The following ECM2 variants were observed in gnomAD, a reference collection of about 807,000 sequenced individuals.
ECM2 encodes the protein extracellular matrix protein 2, female organ and adipocyte specific.
A neutral mutation model predicts 67.5 loss-of-function variants in ECM2; 57 were observed. The ratio of observed to expected loss-of-function variants is 0.84; its 90% confidence interval spans 0.68 to 1.05. The LOEUF (loss-of-function observed/expected upper bound fraction) is 1.05, where lower values mean the gene tolerates loss of function less well. ECM2 is among the 50% of genes least tolerant of loss of function. The pLI, the probability that ECM2 is intolerant of heterozygous loss-of-function variation, is 0.00. For synonymous variants in ECM2, 258 were observed against 294.5 expected (o/e 0.88, Z 1.27); for missense variants, 741 against 822.8 (o/e 0.90, Z 1.22).
Position 92,517,772 on chromosome 9 carries a change from A to G in ECM2, c.396T>C (p.Leu132=). 6.2e-7 allele frequency: 1 copy of G among 1,614,232 alleles called. No individual in the cohort carries two copies. Among genetic ancestry groups the G allele is most frequent in the Non-Finnish European group, 8.5e-7 (1 of 1,180,048 alleles). ...TTCLCSDGRV[L]CDETMCHPQR... The stretch of plus-strand genomic sequence containing the variant: ...GGGGATGGCACATGGTTTCATCACA[A>G]AGAACTCTTCCATCTGAGCAGAGGC... Residue 132 remains leucine, a synonymous_variant, in exon 3 of 10, where the codon CTT becomes CTC. Transcript: ENST00000344604.
chr9:92,525,248 T>G (rs1848319001), intron 1 of ECM2, among the ~76,000 whole-genome samples: 1 of 151,746 alleles, frequency 6.6e-6, no homozygotes, highest in South Asian at 2.1e-4. Flanking sequence ...AGCCCAGAAG[T>G]TCAAGGTTGC....
chr9:92,504,449 C>T lies in ECM2; in HGVS notation c.1464+1084G>A, dbSNP rs528953289. On this transcript the variant is annotated intron_variant, in intron 7 of 9. Coordinates refer to ENST00000344604, the MANE Select transcript of ECM2 (RefSeq NM_001393.4). ...GGATGATCATGTGGTCTAGGAGAAA[C>T]GGAGCTTAGTAAGGAAACCTGGGTT... Among the ~76,000 whole-genome samples the T allele has an allele frequency of 3.9e-5, 6 of 152,250 alleles. No individual in the cohort carries two copies. In the East Asian group the frequency reaches 5.8e-4, roughly 15 times the overall value.
the ECM2 span, among the ~76,000 whole-genome samples, chr9:92,551,497 C>T: frequency 6.6e-6 from 1 of 152,198 alleles, no homozygotes; most frequent in East Asian, 1.9e-4. Flanking sequence ...ACCACCACAC[C>T]TGGCTAATTT....
the ECM2 span, among the ~76,000 whole-genome samples, chr9:92,556,905 G>T: frequency 1.3e-5 from 2 of 152,058 alleles, no homozygotes; most frequent in Non-Finnish European, 2.9e-5. Flanking sequence ...TTTTTAGCTT[G>T]TATTTTTGTT....
chr9:92,529,000 A>G (rs1043789009), intron 1 of ECM2, among the ~76,000 whole-genome samples: 1 of 152,240 alleles, frequency 6.6e-6, no homozygotes, highest in African/African-American at 2.4e-5. Flanking sequence ...AGGATTAACC[A>G]TGTAATGTAG....
At chr9:92,546,325 A>C in the ECM2 span, among the ~76,000 whole-genome samples, 6 of 152,080 alleles carry the variant, frequency 3.9e-5, no homozygotes, top group Non-Finnish European at 7.4e-5. Context: ...CTGACAACCC[A>C]CCAGAGGTCC....
chr9:92,553,665 A>G, the ECM2 span, among the ~76,000 whole-genome samples: 1 of 151,918 alleles, frequency 6.6e-6, no homozygotes. Context: ...TTATTTATTT[A>G]TTTTTGCAGT....
At chr9:92,554,789 C>T in the ECM2 span, among the ~76,000 whole-genome samples, 1 of 152,108 alleles carries the variant, frequency 6.6e-6, no homozygotes, top group Non-Finnish European at 1.5e-5. Context: ...AGGCGCCTGC[C>T]ACTGCGCCCG....
intron 2 of ECM2, among the ~76,000 whole-genome samples, chr9:92,518,615 G>A (rs117161319): frequency 6.6e-6 from 1 of 152,138 alleles, no homozygotes; most frequent in African/African-American, 2.4e-5. Flanking sequence ...GTATAATACT[G>A]TCTGGGCACG....
intron 1 of ECM2, among the ~76,000 whole-genome samples, chr9:92,525,109 G>A (rs908264717): frequency 3.9e-5 from 6 of 152,120 alleles, no homozygotes; most frequent in African/African-American, 1.4e-4. Flanking sequence ...CTTGAGGCCA[G>A]GAGTTTAAGA....
intron 1 of ECM2, among the ~76,000 whole-genome samples, chr9:92,533,303 CAAAAAAAAAA>C (rs1174584000): frequency 8.7e-4 from 26 of 29,880 alleles, no homozygotes; most frequent in African/African-American, 3.0e-3. Flanking sequence ...CGGTCTCAAA[CAAAAAAAAAA>C]AAAAAAAAAA....
At position 92,509,917 on chromosome 9, in the gene ECM2, C is replaced by G; in HGVS notation, c.1288G>C (p.Asp430His). Reference protein sequence around the residue: ...KVNENNLQAIDEESLSDLNQL... With the variant: ...KVNENNLQAIHEESLSDLNQL... ...TAAATACCTGATAAACTTTCTTCAT[C>G]GATAGCCTGAAGATTGTTCTCATTG... Residue 430 changes from aspartate (D) to histidine (H), a missense_variant, in exon 6 of 10, where the codon GAT (aspartate) becomes CAT (histidine). Coordinates refer to ENST00000344604, the MANE Select transcript of ECM2 (RefSeq NM_001393.4). 1 of 1,602,744 alleles carries G rather than the reference C, an allele frequency of 6.2e-7. No homozygotes were observed. The highest frequency in any genetic ancestry group is 1.1e-5 in the South Asian group (1 of 88,584).
At chr9:92,516,187 C>T (rs1588213697) in intron 3 of ECM2, among the ~76,000 whole-genome samples, 1 of 151,930 alleles carries the variant, frequency 6.6e-6, no homozygotes, top group East Asian at 1.9e-4. Context: ...CCTCAGCCTC[C>T]CAAGTAGCTG....
At chr9:92,546,834 A>G in the ECM2 span, among the ~76,000 whole-genome samples, 1 of 152,186 alleles carries the variant, frequency 6.6e-6, no homozygotes, top group Non-Finnish European at 1.5e-5. Context: ...GAATCAGAAA[A>G]TCTAAATTGT....
At chr9:92,521,302 A>G (rs771950001) in intron 2 of ECM2, among the ~76,000 whole-genome samples, 2 of 152,166 alleles carry the variant, frequency 1.3e-5, no homozygotes, top group Admixed American at 6.5e-5. Context: ...TTCCATTATT[A>G]TAGCTTAGCC....
the ECM2 span, among the ~76,000 whole-genome samples, chr9:92,543,471 C>CAAAAAAA: frequency 2.2e-5 from 1 of 44,538 alleles, no homozygotes; most frequent in Non-Finnish European, 3.9e-5. Context: ...AACCCTGTCT[C>CAAAAAAA]AAAAAAAAAA....
chr9:92,503,113 A>G (rs2131160612), intron 7 of ECM2, among the ~76,000 whole-genome samples: 1 of 152,336 alleles, frequency 6.6e-6, no homozygotes, highest in Middle Eastern at 3.4e-3. Context: ...ATAACTAATT[A>G]GTAAAATAAA....
chr9:92,513,751 C>G (rs1284989788), intron 4 of ECM2, among the ~76,000 whole-genome samples: 1 of 152,168 alleles, frequency 6.6e-6, no homozygotes, highest in East Asian at 1.9e-4. Flanking sequence ...GAAAACAGAT[C>G]AGTGTTCTGT....
At chr9:92,522,412 A>T (rs1319427334) in intron 2 of ECM2, among the ~76,000 whole-genome samples, 163 bp downstream of exon 2, 2 of 152,108 alleles carry the variant, frequency 1.3e-5, no homozygotes, top group African/African-American at 4.8e-5. Flanking sequence ...TTTAAAATGT[A>T]TGTTTGTAGA....
Sources: gnomAD v4.1 joint callset for allele counts (sites outside exome capture counted in the v4.1 genomes callset) on GRCh38, gnomAD v4.1.1 for gene constraint, MANE v1.5 for transcripts, NCBI Gene and HGNC (gene_info 2026-07-23, HGNC 2026-07-21) for gene names.